Variants in PTPDC1 observed in about 807,000 individuals in gnomAD.
PTPDC1 encodes the protein protein tyrosine phosphatase domain containing 1.
PTPDC1 carries 53 observed loss-of-function variants against 75.3 expected under a neutral mutation model. That is an observed-to-expected ratio of 0.70 (90% CI 0.56 to 0.88). The LOEUF is 0.88. Ranked by LOEUF, PTPDC1 falls within the 40% of genes least tolerant of loss-of-function variation. The probability of loss-of-function intolerance (pLI) is 0.00; values close to 1 mark genes in which losing one functional copy is unlikely to be tolerated. For synonymous variants in PTPDC1, 349 were observed against 366.2 expected (o/e 0.95, Z 0.54); for missense variants, 925 against 998.6 (o/e 0.93, Z 0.99).
chr9:94,078,277 T>G (rs1826762305), intron 2 of PTPDC1, among the ~76,000 whole-genome samples: 1 of 152,254 alleles, frequency 6.6e-6, no homozygotes, highest in South Asian at 2.1e-4. Context: ...GAAATCTTGC[T>G]GCATGTAAGA....
At chr9:94,083,213 G>A (rs1673949711), upstream of PTPDC1, among the ~76,000 whole-genome samples, 1 of 152,194 alleles carries the variant, frequency 6.6e-6, no homozygotes, top group African/African-American at 2.4e-5. Flanking sequence ...TGCTGTTTCT[G>A]TGTTGCCCTT....
At chr9:94,054,260 AAG>A in intron 1 of PTPDC1, among the ~76,000 whole-genome samples, 1 of 152,300 alleles carries the variant, frequency 6.6e-6, no homozygotes, top group East Asian at 1.9e-4. Context: ...GAGGGTTTTG[AAG>A]AGAGGGGTGA....
intron 4 of PTPDC1, among the ~76,000 whole-genome samples, chr9:94,091,392 T>C (rs1827312584): frequency 1.3e-5 from 2 of 152,092 alleles, no homozygotes; most frequent in African/African-American, 4.8e-5. Context: ...CATTTATTGA[T>C]TTGCGTATAT....
At chr9:94,046,276 C>G (rs1399668453) in intron 1 of PTPDC1, among the ~76,000 whole-genome samples, 1 of 152,152 alleles carries the variant, frequency 6.6e-6, no homozygotes, top group Admixed American at 6.5e-5. Context: ...AGTCAGGTAG[C>G]ATGATGCCTC....
Position 94,109,073 on chromosome 9 carries a change from C to T in PTPDC1, c.*1129C>T, listed in dbSNP as rs1336006723. Reference sequence around the variant, plus strand: ...ATTAAGATTTTTAAACTGAAGTTGACCATACAGGTTGCATTAGCCCTAACT... The same window carrying T: ...ATTAAGATTTTTAAACTGAAGTTGATCATACAGGTTGCATTAGCCCTAACT... On this transcript the variant is annotated 3_prime_UTR_variant, in exon 9 of 9. Transcript: ENST00000620992. 1 of 152,200 alleles carries T rather than the reference C, an allele frequency of 6.6e-6. No individual in the cohort carries two copies. The highest frequency in any genetic ancestry group is 2.4e-5 in the African/African-American group (1 of 41,456). 9.4% of individuals were successfully genotyped at this position (152,200 alleles called of 1,614,324 possible).
chr9:94,100,417 G>T (rs755853833), intron 6 of PTPDC1: 2 of 152,190 alleles, frequency 1.3e-5, no homozygotes, highest in Admixed American at 6.5e-5. Flanking sequence ...TTTTATACAT[G>T]ATCTATGGGA....
At chr9:94,066,393 G>A (rs1017020462) in intron 2 of PTPDC1, among the ~76,000 whole-genome samples, 4 of 151,916 alleles carry the variant, frequency 2.6e-5, no homozygotes, top group Admixed American at 1.3e-4. Context: ...GTTTGTGGAT[G>A]GGAAGTATTT....
chr9:94,042,674 G>A (rs1003791424), intron 1 of PTPDC1, among the ~76,000 whole-genome samples: 14 of 152,258 alleles, frequency 9.2e-5, no homozygotes, highest in African/African-American at 3.4e-4. Flanking sequence ...AGCTGGGGTG[G>A]CTGTGACTGT....
chr9:94,070,343 C>G (rs1378277802), intron 2 of PTPDC1, among the ~76,000 whole-genome samples: 1 of 152,174 alleles, frequency 6.6e-6, no homozygotes, highest in Non-Finnish European at 1.5e-5. Flanking sequence ...CAGCATATGC[C>G]ATGCACCCTA....
chr9:94,107,737 G>GT (rs960847406), intron 8 of PTPDC1, 91 bp from the exon 9 acceptor site: 74 of 600,140 alleles, frequency 1.2e-4, no homozygotes, highest in South Asian at 3.6e-4. Context: ...TTGTAAGTCT[G>GT]TTTTTTTTCT....
chr9:94,065,242 G>T (rs375331797), intron 2 of PTPDC1, among the ~76,000 whole-genome samples: 4 of 152,220 alleles, frequency 2.6e-5, no homozygotes, highest in Non-Finnish European at 5.9e-5. Flanking sequence ...CCCCAGGCAA[G>T]GACAAGTGTC....
chr9:94,080,784 C>T (rs1197491851), upstream of PTPDC1, among the ~76,000 whole-genome samples: 1 of 152,094 alleles, frequency 6.6e-6, no homozygotes, highest in Non-Finnish European at 1.5e-5. Context: ...CTGTAAGGAA[C>T]ATTTTTGGAG....
chr9:94,042,740 G>T (rs1401767427), intron 1 of PTPDC1, among the ~76,000 whole-genome samples: 2 of 152,164 alleles, frequency 1.3e-5, no homozygotes, highest in Non-Finnish European at 2.9e-5. Flanking sequence ...TTTCATGAAA[G>T]ATCTTTCTGT....
chr9:94,040,553 T>A (rs1825400668), intron 1 of PTPDC1, among the ~76,000 whole-genome samples: 1 of 152,128 alleles, frequency 6.6e-6, no homozygotes, highest in Non-Finnish European at 1.5e-5. Context: ...ATTTTTAAAG[T>A]TTGTTTTAGT....
chr9:94,052,686 A>G (rs1490503522), intron 1 of PTPDC1, among the ~76,000 whole-genome samples: 2 of 152,204 alleles, frequency 1.3e-5, no homozygotes, highest in Non-Finnish European at 2.9e-5. Context: ...TATATGTGAT[A>G]TAAGAGATTG....
intron 1 of PTPDC1, among the ~76,000 whole-genome samples, chr9:94,053,732 C>T (rs1354284670): frequency 6.6e-6 from 1 of 152,164 alleles, no homozygotes; most frequent in Non-Finnish European, 1.5e-5. Flanking sequence ...AAATCCAACC[C>T]TCAGGGAATG....
intron 2 of PTPDC1, among the ~76,000 whole-genome samples, chr9:94,069,035 T>G (rs1316683874): frequency 6.6e-6 from 1 of 152,172 alleles, no homozygotes; most frequent in Non-Finnish European, 1.5e-5. Flanking sequence ...AGCAAGATCT[T>G]CCAGCTCATT....
intron 7 of PTPDC1, among the ~76,000 whole-genome samples, chr9:94,103,009 C>CACAT (rs1463649295): frequency 1.1e-5 from 1 of 93,072 alleles, no homozygotes; most frequent in East Asian, 3.4e-4. Context: ...CACACACACA[C>CACAT]ACACACACAC....
At chr9:94,057,227 T>A (rs1257888908) in intron 1 of PTPDC1, among the ~76,000 whole-genome samples, 2 of 152,064 alleles carry the variant, frequency 1.3e-5, no homozygotes, top group African/African-American at 4.8e-5. Context: ...TACAGACATG[T>A]GCTACCATGC....
Sources: allele counts gnomAD v4.1 joint callset (sites outside exome capture counted in the v4.1 genomes callset), GRCh38; gene constraint gnomAD v4.1.1; transcripts MANE v1.5; gene names NCBI Gene and HGNC (gene_info 2026-07-23, HGNC 2026-07-21).